Variants in DENND2C observed in about 807,000 individuals in gnomAD.
DENND2C encodes DENN domain-containing protein 2C.
A neutral mutation model predicts 112.4 loss-of-function variants in DENND2C; 72 were observed. That is an observed-to-expected ratio of 0.64 (90% CI 0.53 to 0.78). The LOEUF (loss-of-function observed/expected upper bound fraction) is 0.78. DENND2C is among the 30% of genes least tolerant of loss of function. DENND2C has a pLI of 0.00. For synonymous variants in DENND2C, 329 were observed against 381.6 expected (o/e 0.86, Z 1.61); for missense variants, 992 against 1,113.8 (o/e 0.89, Z 1.56).
chr1:114,648,834 C>G (rs954007932), intron 2 of DENND2C, among the ~76,000 whole-genome samples: 2 of 152,104 alleles, frequency 1.3e-5, no homozygotes, highest in African/African-American at 4.8e-5. Context: ...CAAAATGCCA[C>G]AGTGTGGAAA....
At chr1:114,668,161 G>C in intron 1 of DENND2C, among the ~76,000 whole-genome samples, 1 of 152,058 alleles carries the variant, frequency 6.6e-6, no homozygotes, top group Admixed American at 6.6e-5. Flanking sequence ...TAAGGTTTCA[G>C]ACCTCCAAGA....
Position 114,632,205 on chromosome 1 carries a change from C to T in DENND2C, c.-204-6017G>A, listed in dbSNP as rs368903802. 1.4e-4 allele frequency among the ~76,000 whole-genome samples: 22 copies of T among 152,196 alleles called. No individual in the cohort carries two copies. In the South Asian group the frequency reaches 2.5e-3, roughly 17 times the overall value. The stretch of plus-strand genomic sequence containing the variant: ...GCTTTACCCTACATATAACTGGAGT[C>T]GCAGAAATGAAGGGGTCGGGAGTGG... On this transcript the variant is annotated intron_variant, in intron 3 of 20. Coordinates refer to ENST00000393274, the MANE Select transcript of DENND2C (RefSeq NM_001256404.2).
At chr1:114,599,616 A>T (rs537763732) in intron 15 of DENND2C, among the ~76,000 whole-genome samples, 165 bp from the exon 16 acceptor site, 1 of 152,344 alleles carries the variant, frequency 6.6e-6, no homozygotes, top group South Asian at 2.1e-4. Flanking sequence ...ATTTAAACTT[A>T]CTTTACTGAA....
chr1:114,627,580 C>T (rs1386954474), intron 3 of DENND2C, among the ~76,000 whole-genome samples: 5 of 40,846 alleles, frequency 1.2e-4, no homozygotes, highest in African/African-American at 4.7e-4. Context: ...GATAGTCTGA[C>T]GCAAAAAAAA....
At chr1:114,594,782 T>C (rs1655297252) in intron 17 of DENND2C, among the ~76,000 whole-genome samples, 1 of 152,192 alleles carries the variant, frequency 6.6e-6, no homozygotes, top group South Asian at 2.1e-4. Context: ...AATATATACT[T>C]TGTAAAATTT....
At chr1:114,668,550 CACA>C (rs766085006) in intron 1 of DENND2C, among the ~76,000 whole-genome samples, 1 of 151,644 alleles carries the variant, frequency 6.6e-6, no homozygotes, top group African/African-American at 2.4e-5. Flanking sequence ...CACACACACA[CACA>C]CCCCAACTAA....
chr1:114,612,524 T>C (rs1397009678), intron 8 of DENND2C, among the ~76,000 whole-genome samples: 1 of 150,490 alleles, frequency 6.6e-6, no homozygotes, highest in Non-Finnish European at 1.5e-5. Flanking sequence ...CAGCTAATTT[T>C]TTTTTTTTTT....
chr1:114,609,557 A>G (rs1019419170), intron 9 of DENND2C, among the ~76,000 whole-genome samples: 5 of 152,226 alleles, frequency 3.3e-5, no homozygotes, highest in African/African-American at 1.2e-4. Context: ...AGCAATACCA[A>G]TTAAAACTGG....
At chr1:114,627,458 T>C (rs1240192848) in intron 3 of DENND2C, among the ~76,000 whole-genome samples, 1 of 152,180 alleles carries the variant, frequency 6.6e-6, no homozygotes, top group Non-Finnish European at 1.5e-5. Context: ...CACACAAAAG[T>C]GTTATTCTTG....
intron 20 of DENND2C, among the ~76,000 whole-genome samples, chr1:114,585,980 G>C (rs1039997707): frequency 6.6e-6 from 1 of 152,066 alleles, no homozygotes; most frequent in Admixed American, 6.6e-5. Context: ...TCAGAGCTGG[G>C]AACCACTGAT....
At chr1:114,651,308 C>CACACACACACACACACA (rs1553237779) in intron 2 of DENND2C, among the ~76,000 whole-genome samples, 1 of 150,870 alleles carries the variant, frequency 6.6e-6, no homozygotes, top group Admixed American at 6.6e-5. Flanking sequence ...CACACACACG[C>CACACACACACACACACA]CAAGTATGAA....
At position 114,622,037 on chromosome 1, in the gene DENND2C, C is replaced by T. The variant is rs973398848; in HGVS notation, c.1085G>A (p.Arg362Gln). 1.3e-5 allele frequency: 20 copies of T among 1,546,848 alleles called. No individual in the cohort carries two copies. The highest frequency in any genetic ancestry group is 5.5e-5 in the African/African-American group (4 of 72,634). Residue 362 changes from arginine (R) to glutamine (Q), a missense_variant, in exon 7 of 21, where the codon CGG (arginine) becomes CAG (glutamine). Around this residue, in one of 3 missense-constraint regions of DENND2C, gnomAD observed 470 missense variants for 472.7 expected, o/e 0.99. Transcript: ENST00000393274. Reference protein sequence around the residue: ...KLPPKPQFLHRKTMEVKNSQA... With the variant: ...KLPPKPQFLHQKTMEVKNSQA... ...TGAGTTCTTTACTTCCATAGTCTTC[C>T]GGTGAAGGAACTGAGGTTTTGGAGG...
At chr1:114,612,850 G>A (rs1655861472) in intron 8 of DENND2C, among the ~76,000 whole-genome samples, 1 of 151,666 alleles carries the variant, frequency 6.6e-6, no homozygotes, top group Non-Finnish European at 1.5e-5. Flanking sequence ...TTGTAGAGAC[G>A]GGGTTTCGTC....
chr1:114,586,127 G>C (rs12024447), intron 20 of DENND2C, among the ~76,000 whole-genome samples: 2 of 152,244 alleles, frequency 1.3e-5, no homozygotes, highest in East Asian at 3.9e-4. Flanking sequence ...GTAGCATATA[G>C]GTTATTCATT....
chr1:114,643,960 A>C (rs1196587403), intron 3 of DENND2C, among the ~76,000 whole-genome samples: 1 of 152,176 alleles, frequency 6.6e-6, no homozygotes, highest in Non-Finnish European at 1.5e-5. Flanking sequence ...AAACCTTCCA[A>C]ATGACTACAA....
intron 3 of DENND2C, among the ~76,000 whole-genome samples, chr1:114,638,672 A>C (rs1656721655): frequency 6.7e-6 from 1 of 149,044 alleles, no homozygotes; most frequent in South Asian, 2.2e-4. Flanking sequence ...CTGAGGTGGG[A>C]GGATTGCTTG....
intron 9 of DENND2C, 27 bp from the exon 10 acceptor site, chr1:114,608,900 T>C: frequency 6.2e-7 from 1 of 1,613,070 alleles, no homozygotes; most frequent in Non-Finnish European, 8.5e-7. Flanking sequence ...GAGAAATGTT[T>C]TTTTCTCTGT....
chr1:114,629,377 A>C (rs1392038465), intron 3 of DENND2C, among the ~76,000 whole-genome samples: 2 of 152,208 alleles, frequency 1.3e-5, no homozygotes, highest in Non-Finnish European at 2.9e-5. Context: ...TCCCAGGTTC[A>C]AACAATTCTC....
At chr1:114,609,320 T>A (rs1655750561) in intron 9 of DENND2C, among the ~76,000 whole-genome samples, 2 of 152,230 alleles carry the variant, frequency 1.3e-5, no homozygotes, top group Admixed American at 1.3e-4. Context: ...AATTCAGTCC[T>A]AAGTACAGAA....
Sources: allele counts gnomAD v4.1 joint callset (sites outside exome capture counted in the v4.1 genomes callset), GRCh38; gene constraint gnomAD v4.1.1; regional missense constraint gnomAD v4.1.1; transcripts MANE v1.5; gene names NCBI Gene and HGNC (gene_info 2026-07-23, HGNC 2026-07-21).